Variants in MICAL2 observed in about 807,000 individuals in gnomAD.
MICAL2 encodes [F-actin]-monooxygenase MICAL2.
A neutral mutation model predicts 127.3 loss-of-function variants in MICAL2; 77 were observed. The observed-to-expected ratio is 0.60, with a 90% confidence interval of 0.50 to 0.73. The LOEUF is 0.73. MICAL2 is among the 30% of genes least tolerant of loss of function. The pLI, the probability that MICAL2 is intolerant of heterozygous loss-of-function variation, is 0.00. For missense variants in MICAL2, 1,351 were observed against 1,434.4 expected, an observed-to-expected ratio of 0.94 and a Z score of 0.94; for synonymous variants, 570 against 551.1, an observed-to-expected ratio of 1.03 and a Z score of -0.48.
At position 12,147,562 on chromosome 11, in the gene MICAL2, T is replaced by C. The variant is rs574661474; in HGVS notation, c.-78+9102T>C. Among the ~76,000 whole-genome samples, 5 of 152,366 alleles carry C rather than the reference T, an allele frequency of 3.3e-5. No homozygotes were observed. In the East Asian group the frequency reaches 9.6e-4, roughly 29 times the overall value. On this transcript the variant is annotated intron_variant, in intron 2 of 27. Transcript: ENST00000683283. ...TTAAAAATCTGCCTTTCCTTAAGTT[T>C]ACACATTAAATTGTCCAGACAAGAT... is the stretch of plus-strand genomic sequence containing the variant.
downstream of MICAL2, among the ~76,000 whole-genome samples, chr11:12,263,962 G>A (rs1307776175): frequency 6.6e-6 from 1 of 152,014 alleles, no homozygotes; most frequent in Non-Finnish European, 1.5e-5. Flanking sequence ...GGTAATATTT[G>A]GAAACTGTCA....
chr11:12,209,672 A>C, intron 6 of MICAL2, 74 bp downstream of exon 6: 1 of 1,345,306 alleles, frequency 7.4e-7, no homozygotes, highest in South Asian at 1.2e-5. Flanking sequence ...AGAGTTGGAG[A>C]AAGTGGGCAA....
intron 2 of MICAL2, among the ~76,000 whole-genome samples, chr11:12,149,655 T>G (rs909787005): frequency 1.3e-5 from 2 of 152,172 alleles, no homozygotes; most frequent in Admixed American, 6.5e-5. Context: ...AGGATTTGGC[T>G]GCAGAGTCAC....
At chr11:12,212,724 A>G (rs906767417) in intron 6 of MICAL2, among the ~76,000 whole-genome samples, 4 of 146,430 alleles carry the variant, frequency 2.7e-5, no homozygotes, top group South Asian at 2.3e-4. Context: ...TACTGGGGTT[A>G]GGATTTCAAC....
intron 2 of MICAL2, chr11:12,287,011 A>G: frequency 2.5e-6 from 1 of 398,774 alleles, no homozygotes. Context: ...TATAGGAGAT[A>G]AATTCCTACT....
At chr11:12,361,531 A>G (rs1466418690), downstream of MICAL2, among the ~76,000 whole-genome samples, 4 of 152,246 alleles carry the variant, frequency 2.6e-5, no homozygotes, top group African/African-American at 9.6e-5. Flanking sequence ...GGCAGTAAAA[A>G]TAAGTTTGTA....
At chr11:12,270,551 T>C (rs772528018) in intron 24 of MICAL2, among the ~76,000 whole-genome samples, 61 of 152,292 alleles carry the variant, frequency 4.0e-4, no homozygotes, top group Non-Finnish European at 6.8e-4. Context: ...GCTGCTCCTC[T>C]CTGGGTTGCT....
At chr11:12,161,905 G>A in intron 2 of MICAL2, 174 bp from the exon 3 acceptor site, 1 of 543,312 alleles carries the variant, frequency 1.8e-6, no homozygotes, top group South Asian at 2.2e-5. Flanking sequence ...ACATCGACAG[G>A]CCAAAAGGCA....
chr11:12,229,776 T>G (rs1400160772), intron 15 of MICAL2, among the ~76,000 whole-genome samples: 2 of 152,238 alleles, frequency 1.3e-5, no homozygotes, highest in African/African-American at 4.8e-5. Context: ...AGAAAATGCT[T>G]GTGGTAGAGG....
At chr11:12,297,866 T>C (rs1864004549) in intron 29 of MICAL2, among the ~76,000 whole-genome samples, 1 of 151,978 alleles carries the variant, frequency 6.6e-6, no homozygotes, top group South Asian at 2.1e-4. Context: ...TCCATTTAGT[T>C]GTCTGTTATA....
chr11:12,252,710 G>A (rs760091122), intron 22 of MICAL2: 2 of 152,236 alleles, frequency 1.3e-5, no homozygotes, highest in Non-Finnish European at 2.9e-5. Flanking sequence ...GCTGTGGTGA[G>A]CCCGTCATCT....
chr11:12,279,145 G>C (rs1377002628), intron 1 of MICAL2, among the ~76,000 whole-genome samples: 1 of 152,218 alleles, frequency 6.6e-6, no homozygotes, highest in East Asian at 1.9e-4. Context: ...GGAACCAGGA[G>C]ATGGCACGTG....
At chr11:12,118,855 G>A (rs544048208) in intron 1 of MICAL2, among the ~76,000 whole-genome samples, 1 of 152,280 alleles carries the variant, frequency 6.6e-6, no homozygotes, top group South Asian at 2.1e-4. Flanking sequence ...AAATGTCAGG[G>A]TTTTTGTTGT....
chr11:12,180,349 A>ATATATATATATTTT (rs11403732), intron 3 of MICAL2, among the ~76,000 whole-genome samples: 121 of 139,706 alleles, frequency 8.7e-4, no homozygotes, highest in African/African-American at 3.2e-3. Context: ...ATATGTATAT[A>ATATATATATATTTT]TTTTTTTTTT....
intron 2 of MICAL2, among the ~76,000 whole-genome samples, chr11:12,161,199 C>A (rs1047934733): frequency 2.0e-5 from 3 of 152,212 alleles, no homozygotes; most frequent in African/African-American, 7.2e-5. Context: ...ATTTTTGTTC[C>A]TTTGAAACTT....
intron 29 of MICAL2, among the ~76,000 whole-genome samples, chr11:12,309,249 T>G (rs1434660494): frequency 6.6e-6 from 1 of 152,180 alleles, no homozygotes; most frequent in Non-Finnish European, 1.5e-5. Flanking sequence ...ACCTATAATT[T>G]TCCTATTGTA....
At chr11:12,179,232 C>A (rs1009891891) in intron 3 of MICAL2, among the ~76,000 whole-genome samples, 7 of 152,184 alleles carry the variant, frequency 4.6e-5, no homozygotes, top group African/African-American at 1.7e-4. Flanking sequence ...GCCTTCTTGG[C>A]AGGCTCCTCC....
chr11:12,152,297 CAA>C (rs540812572), intron 2 of MICAL2, among the ~76,000 whole-genome samples: 1 of 38,396 alleles, frequency 2.6e-5, no homozygotes, highest in African/African-American at 1.4e-4. Context: ...GACTCTGTCT[CAA>C]AAAAAAAAAA....
downstream of MICAL2, chr11:12,358,618 T>A: frequency 1.2e-6 from 1 of 820,438 alleles, no homozygotes; most frequent in Non-Finnish European, 1.8e-6. Context: ...AAAATTAAAA[T>A]TCTCTTGCAC....
Sources: allele counts gnomAD v4.1 joint callset (sites outside exome capture counted in the v4.1 genomes callset), GRCh38; gene constraint gnomAD v4.1.1; transcripts MANE v1.5; gene names NCBI Gene and HGNC (gene_info 2026-07-23, HGNC 2026-07-21).